TCN2: variants seen among roughly 807,000 people sequenced by gnomAD.
TCN2 encodes transcobalamin-2.
A neutral mutation model predicts 48.6 loss-of-function variants in TCN2; 34 were observed. The ratio of observed to expected loss-of-function variants is 0.70; its 90% CI spans 0.53 to 0.93. The LOEUF is 0.93. Among genes scored for constraint, TCN2 ranks in the 40% least tolerant of loss-of-function variants. The pLI is 0.00. For missense variants in TCN2, 652 were observed against 526.1 expected (o/e 1.24, Z -2.34); for synonymous variants, 283 against 212.5 (o/e 1.33, Z -2.89).
chr22:30,614,531 G>T (rs1291502032), intron 4 of TCN2, 30 bp downstream of exon 4: 1 of 1,613,484 alleles, frequency 6.2e-7, no homozygotes, highest in African/African-American at 1.3e-5. Flanking sequence ...CCAAGGCCAG[G>T]CTGGCACTCC....
chr22:30,611,738 CCTCAGGTGAT>C (rs2145538085), intron 2 of TCN2, among the ~76,000 whole-genome samples: 1 of 152,334 alleles, frequency 6.6e-6, no homozygotes, highest in Admixed American at 6.5e-5. Context: ...GAACTCCTGA[CCTCAGGTGAT>C]CCGCCTGTCT....
intron 1 of TCN2, among the ~76,000 whole-genome samples, chr22:30,609,552 G>A (rs1039465854): frequency 6.6e-6 from 1 of 150,516 alleles, no homozygotes; most frequent in South Asian, 2.1e-4. Context: ...ACTCCCTTGC[G>A]CGTTTCAAGA....
chr22:30,621,141 C>T (rs2087691849), intron 7 of TCN2, among the ~76,000 whole-genome samples: 1 of 151,982 alleles, frequency 6.6e-6, no homozygotes, highest in Admixed American at 6.6e-5. Flanking sequence ...TACAGGGGCC[C>T]ACCATCACAC....
At chr22:30,613,655 T>G (rs1033868368) in intron 3 of TCN2, among the ~76,000 whole-genome samples, 1 of 152,150 alleles carries the variant, frequency 6.6e-6, no homozygotes, top group Non-Finnish European at 1.5e-5. Flanking sequence ...ACAGCCTGCT[T>G]ATGACTTACG....
chr22:30,609,706 A>G (rs2087506724), intron 1 of TCN2, among the ~76,000 whole-genome samples: 1 of 152,186 alleles, frequency 6.6e-6, no homozygotes, highest in South Asian at 2.1e-4. Context: ...AATGGTTCTC[A>G]GTGACAGAAA....
At chr22:30,625,810 C>T (rs545991848) in intron 8 of TCN2, among the ~76,000 whole-genome samples, 25 of 152,252 alleles carry the variant, frequency 1.6e-4, no homozygotes, top group African/African-American at 6.0e-4. Context: ...ACTCTCATGA[C>T]CTAATCATCT....
In TCN2 at chr22:30,622,951, GC is replaced by G; in HGVS notation, c.1107-15del. 1 of 1,613,088 alleles carries G rather than the reference GC, an allele frequency of 6.2e-7. No homozygotes were observed. Among genetic ancestry groups the G allele is most frequent in the South Asian group, 1.1e-5 (1 of 91,058 alleles). On this transcript the variant is annotated splice_polypyrimidine_tract_variant and intron_variant, in intron 7 of 8. Coordinates refer to ENST00000215838, the MANE Select transcript of TCN2 (RefSeq NM_000355.4). ...ACAGCCACCTCTTCTCTCCCCATTT[GC>G]CTTTCCCTTCTGTAGATATGAAACA...
Position 30,610,862 on chromosome 22 carries a change from T to C in TCN2, c.65-9T>C, listed in dbSNP as rs1036183849. 3.7e-6 allele frequency: 6 copies of C among 1,614,174 alleles called. No homozygotes were observed. Among genetic ancestry groups the C allele is most frequent in the Middle Eastern group, 1.6e-4 (1 of 6,062 alleles). ...CTGTGACCTCATTTGTACCATTTTCTTTTCTAAGAAATACCAGAGATGGAC... is the reference window on the plus strand; with the variant it reads ...CTGTGACCTCATTTGTACCATTTTCCTTTCTAAGAAATACCAGAGATGGAC... On this transcript the variant is annotated splice_polypyrimidine_tract_variant and intron_variant, in intron 1 of 8. Coordinates refer to ENST00000215838, the MANE Select transcript of TCN2 (RefSeq NM_000355.4).
In TCN2 at chr22:30,615,915, A is replaced by G. The variant is rs1210313830; in HGVS notation, c.940+128A>G. The G allele has an allele frequency of 2.0e-5, 23 of 1,138,284 alleles. No homozygotes were observed. The East Asian group carries it at 5.0e-4, about 25-fold the overall frequency. 70.5% of individuals were successfully genotyped at this position (1,138,284 alleles called of 1,614,324 possible). ...ACAAGATTGTGGGTGTGCATGGGAC[A>G]CAGCAGCCAAAATGTGGTCATAGCT... On this transcript the variant is annotated intron_variant, in intron 6 of 8. Transcript: ENST00000215838.
intron 1 of TCN2, among the ~76,000 whole-genome samples, chr22:30,607,716 T>C (rs1340561273): frequency 6.6e-6 from 1 of 151,970 alleles, no homozygotes; most frequent in Admixed American, 6.6e-5. Context: ...AGAGCTTATG[T>C]TCTAGGGAAG....
At chr22:30,623,960 A>ATACACACACACATATATATG (rs2087758271) in intron 8 of TCN2, among the ~76,000 whole-genome samples, 1 of 79,998 alleles carries the variant, frequency 1.3e-5, no homozygotes, top group Non-Finnish European at 2.2e-5. Flanking sequence ...ATGTATACAT[A>ATACACACACACATATATATG]TATACACACA....
intron 7 of TCN2, 63 bp downstream of exon 7, chr22:30,617,558 A>AG: frequency 6.2e-7 from 1 of 1,610,014 alleles, no homozygotes; most frequent in Non-Finnish European, 8.5e-7. Flanking sequence ...ACAGGGTCAC[A>AG]GAAGAGACGG....
chr22:30,621,374 G>C (rs554253037), intron 7 of TCN2, among the ~76,000 whole-genome samples: 4 of 152,302 alleles, frequency 2.6e-5, no homozygotes, highest in Non-Finnish European at 4.4e-5. Context: ...AGAGCACTTT[G>C]TAGAAGATGC....
At chr22:30,622,055 T>C (rs1257532471) in intron 7 of TCN2, among the ~76,000 whole-genome samples, 1 of 152,170 alleles carries the variant, frequency 6.6e-6, no homozygotes. Flanking sequence ...TGGTACGATC[T>C]CAGCTCACTG....
At chr22:30,617,240 G>A in intron 6 of TCN2, 90 bp from the exon 7 acceptor site, 1 of 1,565,416 alleles carries the variant, frequency 6.4e-7, no homozygotes, top group Non-Finnish European at 8.7e-7. Flanking sequence ...GAAGGACAAA[G>A]TCCAGGTGTC....
chr22:30,608,187 C>G (rs1435883822), intron 1 of TCN2, among the ~76,000 whole-genome samples: 1 of 152,140 alleles, frequency 6.6e-6, no homozygotes, highest in Admixed American at 6.5e-5. Context: ...CTCCTCTGCA[C>G]CTAGGATTAC....
At position 30,607,193 on chromosome 22, in the gene TCN2, G is replaced by A; in HGVS notation, c.-139G>A. 1.3e-6 allele frequency: 1 copy of A among 792,638 alleles called. No homozygotes were observed. Among genetic ancestry groups the A allele is most frequent in the Non-Finnish European group, 2.1e-6 (1 of 474,064 alleles). 49.1% of individuals were successfully genotyped at this position (792,638 alleles called of 1,614,324 possible). A position where few individuals can be genotyped will look rare whatever the true frequency, so the allele number is the denominator to read the frequency against. ...CCCTCTGCAGACTTAGCCGTGCATT[G>A]CAGGCATGGAGGATTAATCAGTGAC... On this transcript the variant is annotated 5_prime_UTR_variant, in exon 1 of 9. Coordinates refer to ENST00000215838, the MANE Select transcript of TCN2 (RefSeq NM_000355.4).
At chr22:30,618,136 G>A (rs2087641638) in intron 7 of TCN2, among the ~76,000 whole-genome samples, 1 of 137,512 alleles carries the variant, frequency 7.3e-6, no homozygotes, top group Non-Finnish European at 1.5e-5. Flanking sequence ...TTTTTTTTGA[G>A]ATAGGGTCTC....
chr22:30,622,227 T>A (rs999839583), intron 7 of TCN2, among the ~76,000 whole-genome samples: 2 of 152,090 alleles, frequency 1.3e-5, no homozygotes, highest in Non-Finnish European at 2.9e-5. Context: ...CCTCAGGTGA[T>A]CTGCCTGCCT....
Sources: allele counts gnomAD v4.1 joint callset (sites outside exome capture counted in the v4.1 genomes callset), GRCh38; gene constraint gnomAD v4.1.1; transcripts MANE v1.5; gene names NCBI Gene and HGNC (gene_info 2026-07-23, HGNC 2026-07-21).